Variants in RAD51B observed in about 807,000 individuals in gnomAD.
RAD51B encodes the protein RAD51 paralog B, also known as DNA repair protein RAD51 homolog 2.
A neutral mutation model predicts 42.2 loss-of-function variants in RAD51B; 38 were observed. The ratio of observed to expected loss-of-function variants is 0.90; its 90% CI spans 0.70 to 1.18. The LOEUF is 1.18. Among genes scored for constraint, RAD51B ranks in the 50% most tolerant of loss-of-function variants. The pLI, the probability that RAD51B is intolerant of heterozygous loss-of-function variation, is 0.00. For synonymous variants in RAD51B, 154 were observed against 145.2 expected, an observed-to-expected ratio of 1.06 and a Z score of -0.43; for missense variants, 373 against 400.7, an observed-to-expected ratio of 0.93 and a Z score of 0.59.
chr14:67,885,601 CAGAAAGATAAATCTCA>C lies in RAD51B; in HGVS notation c.453-264_453-249del, dbSNP rs537196457. On this transcript the variant is annotated intron_variant, in intron 5 of 10. Transcript: ENST00000471583. ...CACTTACAAAAAACATATTTAATCC[CAGAAAGATAAATCTCA>C]AGAGACATTGTTGTTTGCTCAAGAT... The C allele has an allele frequency of 3.1e-5, 7 of 223,688 alleles. No individual in the cohort carries two copies. The South Asian group carries it at 1.2e-3, about 39-fold the overall frequency. 13.9% of individuals were successfully genotyped at this position (223,688 alleles called of 1,614,324 possible). A position where few individuals can be genotyped will look rare whatever the true frequency, so the allele number is the denominator to read the frequency against.
At chr14:67,953,765 A>T (rs1050499507) in intron 7 of RAD51B, among the ~76,000 whole-genome samples, 8 of 152,154 alleles carry the variant, frequency 5.3e-5, no homozygotes, top group African/African-American at 1.9e-4. Context: ...CAATATTTGC[A>T]TCTGAGTAAC....
At chr14:68,025,143 CATTG>C (rs1255309817) in intron 7 of RAD51B, among the ~76,000 whole-genome samples, 1 of 151,978 alleles carries the variant, frequency 6.6e-6, no homozygotes, top group East Asian at 1.9e-4. Context: ...TTGTGAATCA[CATTG>C]ATTGATTTGC....
chr14:68,164,331 A>G (rs1035387261), intron 7 of RAD51B, among the ~76,000 whole-genome samples: 2 of 152,260 alleles, frequency 1.3e-5, no homozygotes, highest in Admixed American at 6.5e-5. Flanking sequence ...AACTAGGCAC[A>G]GTGTACGTGA....
In RAD51B at chr14:68,477,887, T is replaced by C. The variant is rs1046199429; in HGVS notation, c.*223T>C. ...GCCTTTGTTCAGGTCTCTAGATGTG[T>C]AGGGCTGAGGGCTTTGCCGCCATGG... On this transcript the variant is annotated 3_prime_UTR_variant, in exon 11 of 11. Coordinates refer to ENST00000471583, the MANE Select transcript of RAD51B (RefSeq NM_133510.4). 2.9e-6 allele frequency: 4 copies of C among 1,368,184 alleles called. No individual in the cohort carries two copies. In the African/African-American group the frequency reaches 5.9e-5, roughly 20 times the overall value. The allele number at this position is 1,368,184 out of a possible 1,614,324, so 84.8% of individuals were successfully genotyped here. A position where few individuals can be genotyped will look rare whatever the true frequency, so the allele number is the denominator to read the frequency against.
At chr14:68,605,870 G>A (rs573692353) in intron 10 of RAD51B, among the ~76,000 whole-genome samples, 1 of 152,254 alleles carries the variant, frequency 6.6e-6, no homozygotes, top group East Asian at 1.9e-4. Flanking sequence ...GTGGGCTTCT[G>A]GAATGCAGTC....
intron 4 of RAD51B, among the ~76,000 whole-genome samples, chr14:67,849,243 T>G (rs996256159): frequency 1.3e-5 from 2 of 152,184 alleles, no homozygotes; most frequent in Admixed American, 1.3e-4. Flanking sequence ...TCTCAAAGAC[T>G]TTGTTCATTT....
rs1043591855 is a variant in RAD51B at position 67,819,840 on chromosome 14, A to G, written c.-16A>G. 19 of 152,146 alleles carry G rather than the reference A, an allele frequency of 1.2e-4. No individual in the cohort carries two copies. Among genetic ancestry groups the G allele is most frequent in the African/African-American group, 2.7e-4 (11 of 41,396 alleles). 9.4% of individuals were successfully genotyped at this position (152,146 alleles called of 1,614,324 possible). A position where few individuals can be genotyped will look rare whatever the true frequency, so the allele number is the denominator to read the frequency against. On this transcript the variant is annotated 5_prime_UTR_variant, in exon 1 of 11. An upstream start codon of the reference 5' UTR is lost. Transcript: ENST00000471583. ...AAGGGTGGGGAAACTTGAAAGTTGG[A>G]TGCTGCAGACCCGGTACTGGAAAGT... is the stretch of plus-strand genomic sequence containing the variant.
chr14:67,861,539 G>T (rs1192369940), intron 4 of RAD51B, among the ~76,000 whole-genome samples: 1 of 149,562 alleles, frequency 6.7e-6, no homozygotes, highest in African/African-American at 2.5e-5. Context: ...TCATGCCACT[G>T]CACTCCAGCC....
intron 10 of RAD51B, among the ~76,000 whole-genome samples, chr14:68,552,129 C>T (rs892525676): frequency 6.6e-6 from 1 of 152,214 alleles, no homozygotes; most frequent in African/African-American, 2.4e-5. Flanking sequence ...CCAGGAGATA[C>T]AGTAACCCTG....
intron 9 of RAD51B, among the ~76,000 whole-genome samples, chr14:68,423,388 T>C (rs2084757135): frequency 6.6e-6 from 1 of 152,220 alleles, no homozygotes; most frequent in South Asian, 2.1e-4. Context: ...GAGAGTCTAC[T>C]TTGTACCAGT....
chr14:67,869,060 C>G (rs2042429666), intron 5 of RAD51B, among the ~76,000 whole-genome samples: 1 of 152,252 alleles, frequency 6.6e-6, no homozygotes, highest in Non-Finnish European at 1.5e-5. Flanking sequence ...CAGTTCCTCA[C>G]CAGCAACGGA....
At chr14:68,310,512 T>C (rs983185428) in intron 8 of RAD51B, among the ~76,000 whole-genome samples, 3 of 152,182 alleles carry the variant, frequency 2.0e-5, no homozygotes, top group Non-Finnish European at 4.4e-5. Context: ...GTATGAGTGC[T>C]TGATGCAGGG....
At chr14:67,921,567 TCACACACA>T (rs3219795) in intron 7 of RAD51B, among the ~76,000 whole-genome samples, 9,655 of 125,834 alleles carry the variant, frequency 0.077, 362 homozygotes, top group Non-Finnish European at 0.097. Context: ...TATGTGCACA[TCACACACA>T]CACACACACA....
chr14:68,470,916 C>T (rs558094751), intron 10 of RAD51B, among the ~76,000 whole-genome samples: 68 of 152,326 alleles, frequency 4.5e-4, no homozygotes, highest in African/African-American at 1.5e-3. Context: ...TTGAGATCTC[C>T]ACATACTGCA....
intron 9 of RAD51B, among the ~76,000 whole-genome samples, chr14:68,463,005 C>T (rs1329935829): frequency 2.0e-5 from 3 of 152,118 alleles, no homozygotes; most frequent in Non-Finnish European, 4.4e-5. Flanking sequence ...TTCACTAGGG[C>T]CCTGTTGTTT....
At chr14:67,947,923 A>G (rs753643030) in intron 7 of RAD51B, among the ~76,000 whole-genome samples, 40 of 152,196 alleles carry the variant, frequency 2.6e-4, no homozygotes, top group Non-Finnish European at 4.4e-5. Context: ...TACATAGCCC[A>G]TTTATCTTCA....
At position 68,497,981 on chromosome 14, in the gene RAD51B, A is replaced by T. The variant is rs562177112; in HGVS notation, c.1036+29731A>T. On this transcript the variant is annotated intron_variant, in intron 10 of 10. Coordinates refer to the RAD51B transcript ENST00000487270. ...ATTGTACTGCTATGAACTTGCATAC[A>T]CATGTATTTATTTGAAACCTATTTT... 11 of 129,372 alleles carry T rather than the reference A, an allele frequency of 8.5e-5. No homozygotes were observed. The South Asian group carries it at 3.3e-3, about 39-fold the overall frequency. 8.0% of individuals were successfully genotyped at this position (129,372 alleles called of 1,614,324 possible). A position where few individuals can be genotyped will look rare whatever the true frequency, so the allele number is the denominator to read the frequency against.
intron 8 of RAD51B, among the ~76,000 whole-genome samples, chr14:68,388,896 T>C (rs1187840309): frequency 6.6e-6 from 1 of 152,168 alleles, no homozygotes; most frequent in Non-Finnish European, 1.5e-5. Flanking sequence ...TACCATGTTG[T>C]CAAGGGAGAT....
intron 10 of RAD51B, among the ~76,000 whole-genome samples, chr14:68,637,648 A>G (rs1207999479): frequency 6.6e-6 from 1 of 152,234 alleles, no homozygotes; most frequent in Non-Finnish European, 1.5e-5. Flanking sequence ...GATGAGAGAC[A>G]TGTGGGCCCG....
Sources: allele counts gnomAD v4.1 joint callset (sites outside exome capture counted in the v4.1 genomes callset), GRCh38; gene constraint gnomAD v4.1.1; transcripts MANE v1.5; gene names NCBI Gene and HGNC (gene_info 2026-07-23, HGNC 2026-07-21).